CAMTA1: variants seen among roughly 807,000 people sequenced by gnomAD.
CAMTA1 encodes the protein calmodulin-binding transcription activator 1.
In CAMTA1, 27 loss-of-function variants were observed where a neutral mutation model predicts 170.9. That is an observed-to-expected ratio of 0.16 (90% CI 0.12 to 0.22). The LOEUF (loss-of-function observed/expected upper bound fraction) is 0.22, where lower values mean the gene tolerates loss of function less well. Ranked by LOEUF, CAMTA1 falls within the 10% of genes least tolerant of loss-of-function variation. The probability of loss-of-function intolerance (pLI) is 1.00; values close to 1 mark genes in which losing one functional copy is unlikely to be tolerated. For missense variants in CAMTA1, 1,619 were observed against 2,217.2 expected (o/e 0.73, Z 5.42); for synonymous variants, 833 against 891.5 (o/e 0.93, Z 1.17).
intron 4 of CAMTA1, among the ~76,000 whole-genome samples, chr1:7,186,022 C>A (rs1038870401): frequency 6.6e-6 from 1 of 152,134 alleles, no homozygotes; most frequent in Non-Finnish European, 1.5e-5. Flanking sequence ...TGTTTTATGT[C>A]AGTGTTAATG....
At chr1:7,177,377 C>G (rs1172107766) in intron 4 of CAMTA1, among the ~76,000 whole-genome samples, 4 of 150,058 alleles carry the variant, frequency 2.7e-5, no homozygotes, top group Admixed American at 2.0e-4. Context: ...CATACCAATG[C>G]CTCTCCCCCA....
rs189926615 is a variant in CAMTA1 at position 7,347,337 on chromosome 1, T to C, written c.438+97711T>C. On this transcript the variant is annotated intron_variant, in intron 5 of 22. Transcript: ENST00000303635. The stretch of plus-strand genomic sequence containing the variant: ...GCTCCGGAGAGGGAGTGGCCCAAGG[T>C]CACAGAGTGGTCCGGTGCCCAGGCA... Among the ~76,000 whole-genome samples, 810 of 152,216 alleles carry C rather than the reference T, an allele frequency of 5.3e-3. 7 individuals are homozygous for C. The highest frequency in any genetic ancestry group is 0.018 in the African/African-American group (755 of 41,530).
Position 7,248,726 on chromosome 1 carries a change from T to C in CAMTA1, c.303-765T>C, listed in dbSNP as rs1353331020. 6.6e-6 allele frequency among the ~76,000 whole-genome samples: 1 copy of C among 152,176 alleles called. No individual in the cohort carries two copies. The highest frequency in any genetic ancestry group is 1.9e-4 in the East Asian group (1 of 5,192). ...CTCTCTGTGGTGGACGCGTGTTTTC[T>C]TTTTGGCAAATTCAAGGTTCTTTAC... On this transcript the variant is annotated intron_variant, in intron 4 of 22. Coordinates refer to ENST00000303635, the MANE Select transcript of CAMTA1 (RefSeq NM_015215.4). This position sits in a 1 kb window ranked among gnomAD's most constrained non-coding sequence, Gnocchi z 4.0.
intron 4 of CAMTA1, among the ~76,000 whole-genome samples, chr1:7,120,087 G>T (rs1268762796): frequency 6.6e-6 from 1 of 152,134 alleles, no homozygotes; most frequent in Non-Finnish European, 1.5e-5. Context: ...CACACAGATG[G>T]CAAATGGAGG....
chr1:7,121,644 T>C lies in CAMTA1; in HGVS notation c.302+30273T>C, dbSNP rs186936918. 3.4e-3 allele frequency among the ~76,000 whole-genome samples: 512 copies of C among 151,700 alleles called. 3 individuals carry two copies. The highest frequency in any genetic ancestry group is 5.6e-3 in the Non-Finnish European group (382 of 67,904). ...TCAGATCACCTCAGTGCCCAGGGGGTCTCTGGAAAGAACAAGGCAGGGTTC... is the reference window on the plus strand; with the variant it reads ...TCAGATCACCTCAGTGCCCAGGGGGCCTCTGGAAAGAACAAGGCAGGGTTC... On this transcript the variant is annotated intron_variant, in intron 4 of 22. Transcript: ENST00000303635.
At chr1:7,500,575 C>T (rs2093988776) in intron 6 of CAMTA1, among the ~76,000 whole-genome samples, 2 of 152,122 alleles carry the variant, frequency 1.3e-5, no homozygotes. Flanking sequence ...GGCCCTGCTC[C>T]CCTGGGTGGG....
Position 7,249,564 on chromosome 1 carries a change from A to G in CAMTA1, c.376A>G (p.Lys126Glu). Residue 126 changes from lysine to glutamate, a missense_variant, in exon 5 of 23, where the codon AAG becomes GAG. Lys to Glu is a moderately conservative substitution (Grantham distance 56). This residue lies in a region of CAMTA1 where 97 missense variants were observed against 225.4 expected (regional missense o/e 0.43). Coordinates refer to ENST00000303635, the MANE Select transcript of CAMTA1 (RefSeq NM_015215.4). This position sits in a 1 kb window ranked among gnomAD's most constrained non-coding sequence, Gnocchi z 4.4. Reference protein sequence around the residue: ...KYRKDGYCWKKRKDGKTTRED... With the variant: ...KYRKDGYCWKERKDGKTTRED... The stretch of plus-strand genomic sequence containing the variant: ...CAGGAAAGATGGGTATTGCTGGAAA[A>G]AGAGGAAAGATGGGAAAACGACCAG... The G allele has an allele frequency of 6.2e-7, 1 of 1,614,182 alleles. No individual in the cohort carries two copies. Among genetic ancestry groups the G allele is most frequent in the Non-Finnish European group, 8.5e-7 (1 of 1,180,030 alleles).
rs1476276675 is a variant in CAMTA1 at position 6,948,327 on chromosome 1, G to GCTC, written c.234+123117_234+123118insCTC. Among the ~76,000 whole-genome samples the GCTC allele has an allele frequency of 2.0e-5, 3 of 152,302 alleles. No homozygotes were observed. The East Asian group carries it at 5.8e-4, about 29-fold the overall frequency. On this transcript the variant is annotated intron_variant, in intron 3 of 22. Coordinates refer to ENST00000303635, the MANE Select transcript of CAMTA1 (RefSeq NM_015215.4). ...CCTGGTGGATGACATTTAGAGTTTA[G>GCTC]TGAGAAGCTCTGGAAGTCTCACTGG...
chr1:7,128,807 A>G (rs1645076722), intron 4 of CAMTA1, among the ~76,000 whole-genome samples: 1 of 135,962 alleles, frequency 7.4e-6, no homozygotes, highest in Admixed American at 7.6e-5. Context: ...GGCGTGTGCC[A>G]CCACACCCGA....
chr1:7,413,516 C>G (rs1277159051), intron 5 of CAMTA1, among the ~76,000 whole-genome samples: 1 of 152,168 alleles, frequency 6.6e-6, no homozygotes, highest in Non-Finnish European at 1.5e-5. Context: ...CTCCTTGAAG[C>G]AATTGTGAAT....
chr1:7,389,212 C>T (rs2088401637), intron 5 of CAMTA1: 1 of 152,730 alleles, frequency 6.5e-6, no homozygotes, highest in African/African-American at 2.4e-5. Flanking sequence ...CTGTTGCCCC[C>T]AGCTCCATCC....
chr1:7,273,736 A>G (rs1670180910), intron 5 of CAMTA1, among the ~76,000 whole-genome samples: 2 of 152,206 alleles, frequency 1.3e-5, no homozygotes, highest in Admixed American at 6.5e-5. Flanking sequence ...TGGTGTATAA[A>G]TTATAGCTCA....
intron 3 of CAMTA1, among the ~76,000 whole-genome samples, chr1:6,978,055 C>A (rs1367838782): frequency 6.6e-6 from 1 of 151,778 alleles, no homozygotes; most frequent in East Asian, 1.9e-4. Flanking sequence ...TTACCAGAGG[C>A]CAGGAAGGGT....
intron 4 of CAMTA1, among the ~76,000 whole-genome samples, chr1:7,156,859 A>G (rs1573524511): frequency 6.6e-6 from 1 of 152,078 alleles, no homozygotes; most frequent in Non-Finnish European, 1.5e-5. Flanking sequence ...GTCCTCCACT[A>G]CCACCGCCAT....
At chr1:7,106,978 GTCGTGGAAACCGCCAGGGACAGC>G (rs1362701106) in intron 4 of CAMTA1, among the ~76,000 whole-genome samples, 2 of 151,874 alleles carry the variant, frequency 1.3e-5, no homozygotes, top group Non-Finnish European at 2.9e-5. Flanking sequence ...CTGGGGAGAT[GTCGTGGAAACCGCCAGGGACAGC>G]TCGTGTCATC....
At chr1:7,240,512 C>T (rs889982472) in intron 4 of CAMTA1, among the ~76,000 whole-genome samples, 35 of 149,552 alleles carry the variant, frequency 2.3e-4, no homozygotes, top group African/African-American at 7.4e-4. Flanking sequence ...AAGTTGGTTC[C>T]AGAGTCTTTT....
chr1:7,079,801 G>A (rs1639777763), intron 3 of CAMTA1, among the ~76,000 whole-genome samples: 1 of 152,110 alleles, frequency 6.6e-6, no homozygotes, highest in African/African-American at 2.4e-5. Context: ...AGCTAGAAGA[G>A]GGGAAAAAGA....
intron 4 of CAMTA1, among the ~76,000 whole-genome samples, chr1:7,169,698 GA>G (rs1435978605): frequency 2.0e-5 from 3 of 152,132 alleles, no homozygotes; most frequent in African/African-American, 7.2e-5. Flanking sequence ...TTTCAGTAGA[GA>G]AGTGGTTTCA....
intron 5 of CAMTA1, among the ~76,000 whole-genome samples, chr1:7,316,311 T>G (rs1397203671): frequency 6.6e-6 from 1 of 152,196 alleles, no homozygotes; most frequent in African/African-American, 2.4e-5. Context: ...ATGCTTACCC[T>G]AATCTGATAT....
Sources: allele counts gnomAD v4.1 joint callset (sites outside exome capture counted in the v4.1 genomes callset), GRCh38; gene constraint gnomAD v4.1.1; regional missense constraint gnomAD v4.1.1; non-coding constraint Gnocchi (gnomAD v3.1); transcripts MANE v1.5; gene names NCBI Gene and HGNC (gene_info 2026-07-23, HGNC 2026-07-21).